CAPN14: variants seen among roughly 807,000 people sequenced by gnomAD.
CAPN14 encodes calpain-14.
CAPN14 carries 94 observed loss-of-function variants against 101.3 expected under a neutral mutation model. That is an observed-to-expected ratio of 0.93 (90% confidence interval 0.79 to 1.10). CAPN14 has a LOEUF of 1.10. Ranked by LOEUF, CAPN14 falls within the 50% of genes least tolerant of loss-of-function variation. CAPN14 has a pLI of 0.00. For synonymous variants in CAPN14, 338 were observed against 317.9 expected (o/e 1.06, Z -0.67); for missense variants, 837 against 828.4 (o/e 1.01, Z -0.13).
At chr2:31,181,431 TTTC>T (rs1680606782) in intron 16 of CAPN14, among the ~76,000 whole-genome samples, 1 of 148,504 alleles carries the variant, frequency 6.7e-6, no homozygotes, top group Non-Finnish European at 1.5e-5. Flanking sequence ...TCTTTCTTTC[TTTC>T]TTTCTTTCTT....
intron 1 of CAPN14, among the ~76,000 whole-genome samples, chr2:31,206,085 T>G (rs911584465): frequency 1.4e-5 from 2 of 147,592 alleles, no homozygotes; most frequent in African/African-American, 4.9e-5. Flanking sequence ...CAGGCTGGAG[T>G]GCAGTGGCGC....
chr2:31,216,060 T>C (rs1476207208), intron 1 of CAPN14, among the ~76,000 whole-genome samples: 1 of 152,138 alleles, frequency 6.6e-6, no homozygotes, highest in Non-Finnish European at 1.5e-5. Context: ...TAAATATTAA[T>C]AATAGTGATA....
intron 1 of CAPN14, among the ~76,000 whole-genome samples, chr2:31,206,050 T>TTTA (rs1572425775): frequency 2.0e-5 from 3 of 149,248 alleles, no homozygotes; most frequent in African/African-American, 2.4e-5. Flanking sequence ...TTTTTTTTTT[T>TTTA]GAGACAGAGT....
At chr2:31,231,143 C>A (rs1381090282) in intron 1 of CAPN14, among the ~76,000 whole-genome samples, 1 of 148,484 alleles carries the variant, frequency 6.7e-6, no homozygotes, top group Non-Finnish European at 1.5e-5. Context: ...TCCACCTCTC[C>A]CTCTCCTCCT....
At chr2:31,205,550 C>T (rs1158750724) in intron 1 of CAPN14, 51 bp from the exon 2 acceptor site, 5 of 933,802 alleles carry the variant, frequency 5.4e-6, no homozygotes, top group South Asian at 1.5e-5. Context: ...TTGTGCTTTG[C>T]CATTGCCACA....
intron 5 of CAPN14, 67 bp downstream of exon 5, chr2:31,201,795 C>G: frequency 6.6e-7 from 1 of 1,520,634 alleles, no homozygotes; most frequent in East Asian, 2.5e-5. Context: ...ACTCCACTCC[C>G]CTCCCTCAAC....
intron 2 of CAPN14, among the ~76,000 whole-genome samples, chr2:31,222,600 G>A (rs56113729): frequency 0.019 from 2,844 of 152,148 alleles, 33 homozygotes; most frequent in South Asian, 0.043. Context: ...TTAGTCCAGG[G>A]GCTGGTACAT....
chr2:31,176,645 GT>G lies in CAPN14; in HGVS notation c.1973-4del, dbSNP rs1414668320. On this transcript the variant is annotated splice_region_variant and splice_polypyrimidine_tract_variant and intron_variant, in intron 20 of 21. Transcript: ENST00000403897. ...TTGGGTTAAGTTTTGGAAGACATCT[GT>G]GAAAATGCAGCAGAAAGGAATACAG... 5 of 1,551,002 alleles carry G rather than the reference GT, an allele frequency of 3.2e-6. No individual in the cohort carries two copies. Among genetic ancestry groups the G allele is most frequent in the Non-Finnish European group, 4.4e-6 (5 of 1,146,330 alleles).
intron 13 of CAPN14, 100 bp from the exon 14 acceptor site, chr2:31,188,454 C>A (rs1307980948): frequency 1.9e-6 from 2 of 1,055,232 alleles, no homozygotes; most frequent in Middle Eastern, 2.0e-4. Context: ...CGTTCCTTCA[C>A]TGAGGCACCA....
At position 31,201,110 on chromosome 2, in the gene CAPN14, TGC is replaced by T. The variant is rs1406429820; in HGVS notation, c.552-487_552-486del. The stretch of plus-strand genomic sequence containing the variant: ...ATGTGTGCATGTGTGTGTGTGCATG[TGC>T]GTGTGTGTGCATGTGTGTATGTGTG... On this transcript the variant is annotated intron_variant, in intron 5 of 21. Transcript: ENST00000403897. Among the ~76,000 whole-genome samples the T allele has an allele frequency of 5.6e-5, 8 of 143,592 alleles. No individual in the cohort carries two copies. In the East Asian group the frequency reaches 6.8e-4, roughly 12 times the overall value. The allele number at this position is 143,592 out of a possible 152,430, so 94.2% of individuals were successfully genotyped here.
At chr2:31,206,021 A>ATTTTTTTTTTTTTTTTTTTTTTTTT (rs200116287) in intron 1 of CAPN14, among the ~76,000 whole-genome samples, 1 of 108,752 alleles carries the variant, frequency 9.2e-6, no homozygotes. Flanking sequence ...CATTATCTTT[A>ATTTTTTTTTTTTTTTTTTTTTTTTT]TTTTTTTTAT....
upstream of CAPN14, among the ~76,000 whole-genome samples, chr2:31,217,768 T>C (rs1055234678): frequency 1.8e-4 from 28 of 152,148 alleles, no homozygotes; most frequent in Non-Finnish European, 2.8e-4. Flanking sequence ...CTTCCAACCC[T>C]GGGGAGGGTA....
At position 31,230,741 on chromosome 2, in the gene CAPN14, T is replaced by C. The variant is rs1267526989; in HGVS notation, c.-177+3050A>G. Among the ~76,000 whole-genome samples the C allele has an allele frequency of 2.0e-5, 3 of 152,238 alleles. No individual in the cohort carries two copies. Among genetic ancestry groups the C allele is most frequent in the African/African-American group, 7.2e-5 (3 of 41,456 alleles). ...ACAGCCATTAGTTCTATATTCTGGA[T>C]GTGCTTTCATGGGTTTTTGTGTATA... is the stretch of plus-strand genomic sequence containing the variant. On this transcript the variant is annotated intron_variant and NMD_transcript_variant, in intron 1 of 21. Coordinates refer to the CAPN14 transcript ENST00000398824. The surrounding 1 kb of genome is among the most constrained non-coding windows in gnomAD (Gnocchi z 4.3).
In CAPN14 at chr2:31,193,212, C is replaced by A; in HGVS notation, c.1033G>T (p.Ala345Ser). ...LTPGLLSQEA[A>S]QKWTYTMREG... ...CGCATGGTGTACGTCCACTTCTGGGCCGCCTCCTGGCTCAACAGGCCTGGG... is the reference window on the plus strand; with the variant it reads ...CGCATGGTGTACGTCCACTTCTGGGACGCCTCCTGGCTCAACAGGCCTGGG... The change falls in exon 10 of 22, where the codon GCC (alanine) becomes TCC (serine). Residue 345 changes from alanine (A) to serine (S), a missense_variant. Physicochemically the swap from Ala to Ser is moderately conservative, Grantham distance 99. Coordinates refer to ENST00000403897, the MANE Select transcript of CAPN14 (RefSeq NM_001145122.2). 1 of 1,551,688 alleles carries A rather than the reference C, an allele frequency of 6.4e-7. No individual in the cohort carries two copies. The highest frequency in any genetic ancestry group is 8.7e-7 in the Non-Finnish European group (1 of 1,147,014).
chr2:31,178,367 G>A, intron 18 of CAPN14, 144 bp downstream of exon 18: 1 of 663,010 alleles, frequency 1.5e-6, no homozygotes, highest in Non-Finnish European at 2.7e-6. Context: ...ACCAATAGAG[G>A]AAATGCTCAC....
intron 16 of CAPN14, among the ~76,000 whole-genome samples, chr2:31,182,632 C>T (rs1443554010): frequency 1.3e-4 from 17 of 132,600 alleles, no homozygotes; most frequent in African/African-American, 2.6e-4. Context: ...TTACAAGGGA[C>T]GTGAAGGACC....
In CAPN14 at chr2:31,200,723, T is replaced by G. The variant is rs143252483; in HGVS notation, c.552-98A>C. Reference sequence around the variant, plus strand: ...TCCACTTTTAAATAGGAGTCTAGTTTTCTCATACCAAAAGCAGAGCTCAGG... The same window carrying G: ...TCCACTTTTAAATAGGAGTCTAGTTGTCTCATACCAAAAGCAGAGCTCAGG... On this transcript the variant is annotated intron_variant, in intron 5 of 21. Coordinates refer to ENST00000403897, the MANE Select transcript of CAPN14 (RefSeq NM_001145122.2). 5.1e-6 allele frequency: 6 copies of G among 1,186,670 alleles called. No homozygotes were observed. In the African/African-American group the frequency reaches 9.3e-5, roughly 18 times the overall value. 73.5% of individuals were successfully genotyped at this position (1,186,670 alleles called of 1,614,324 possible).
chr2:31,226,579 T>C (rs971157605), exon 2 of CAPN14: 1 of 152,262 alleles, frequency 6.6e-6, no homozygotes, highest in Non-Finnish European at 1.5e-5. Context: ...TCCTTCAGCA[T>C]GGATTTTTCT....
Position 31,197,242 on chromosome 2 carries a change from A to G in CAPN14, c.875+7T>C. The G allele has an allele frequency of 2.6e-6, 4 of 1,547,732 alleles. No homozygotes were observed. Among genetic ancestry groups the G allele is most frequent in the Non-Finnish European group, 3.5e-6 (4 of 1,143,142 alleles). ...TCTCACCCCTCCAAGATGTCCCCAA[A>G]GTTCACCTGTCACTCCAGTCTCCTT... On this transcript the variant is annotated splice_region_variant and intron_variant, in intron 8 of 21. Transcript: ENST00000403897.
Sources: gnomAD v4.1 joint callset for allele counts (sites outside exome capture counted in the v4.1 genomes callset) on GRCh38, gnomAD v4.1.1 for gene constraint, Gnocchi (gnomAD v3.1) non-coding constraint, MANE v1.5 for transcripts, NCBI Gene and HGNC (gene_info 2026-07-23, HGNC 2026-07-21) for gene names.